The following GKAP1 variants were observed in gnomAD, a reference collection of about 807,000 sequenced individuals.
GKAP1 encodes the protein G kinase anchoring protein 1.
GKAP1 carries 31 observed loss-of-function variants against 56.7 expected under a neutral mutation model. That is an observed-to-expected ratio of 0.55 (90% confidence interval 0.41 to 0.74). The LOEUF is 0.74. GKAP1 is among the 30% of genes least tolerant of loss of function. The pLI, the probability that GKAP1 is intolerant of heterozygous loss-of-function variation, is 0.00. For synonymous variants in GKAP1, 151 were observed against 138.6 expected, an observed-to-expected ratio of 1.09 and a Z score of -0.63; for missense variants, 364 against 402.3, an observed-to-expected ratio of 0.90 and a Z score of 0.82.
chr9:83,752,895 ACT>A (rs1458110822), intron 9 of GKAP1, among the ~76,000 whole-genome samples: 2 of 152,004 alleles, frequency 1.3e-5, no homozygotes, highest in South Asian at 2.1e-4. Context: ...ACATGGTGAA[ACT>A]CTGTCTCTAC....
At chr9:83,807,093 C>T (rs1217326266) in intron 2 of GKAP1, among the ~76,000 whole-genome samples, 2 of 152,170 alleles carry the variant, frequency 1.3e-5, no homozygotes, top group African/African-American at 4.8e-5. Context: ...ATTCTCTCAA[C>T]CAAAGGAAAC....
intron 8 of GKAP1, among the ~76,000 whole-genome samples, chr9:83,753,704 T>C (rs1039373757): frequency 1.1e-4 from 16 of 152,090 alleles, no homozygotes; most frequent in Non-Finnish European, 7.4e-5. Context: ...AAATACAAAA[T>C]TAATAAAAAA....
Position 83,749,820 on chromosome 9 carries a change from A to G in GKAP1, c.841-1448T>C, listed in dbSNP as rs76783158. Among the ~76,000 whole-genome samples the G allele has an allele frequency of 3.5e-3, 538 of 152,330 alleles. 8 individuals carry two copies. Among genetic ancestry groups the G allele is most frequent in the African/African-American group, 0.013 (530 of 41,562 alleles). ...GAGTAATACTGCAGTGAATACAATA[A>G]ACTGAAGTAAAGCACCATACTGAAT... On this transcript the variant is annotated intron_variant, in intron 9 of 12. Coordinates refer to ENST00000376371, the MANE Select transcript of GKAP1 (RefSeq NM_025211.4).
At chr9:83,813,945 A>G (rs1944546502) in intron 2 of GKAP1, among the ~76,000 whole-genome samples, 1 of 152,136 alleles carries the variant, frequency 6.6e-6, no homozygotes, top group Non-Finnish European at 1.5e-5. Context: ...TACAAAATGT[A>G]CAACAGTTAG....
At chr9:83,804,711 GGGA>G (rs1221891007) in intron 3 of GKAP1, among the ~76,000 whole-genome samples, 1 of 149,090 alleles carries the variant, frequency 6.7e-6, no homozygotes, top group Admixed American at 6.6e-5. Context: ...CGCCCCGTAC[GGGA>G]GGGAGGTGGG....
chr9:83,788,653 T>C lies in GKAP1; in HGVS notation c.386A>G (p.Asp129Gly). The C allele has an allele frequency of 6.2e-7, 1 of 1,606,294 alleles. No individual in the cohort carries two copies. The highest frequency in any genetic ancestry group is 1.3e-5 in the African/African-American group (1 of 74,870). The change falls in exon 5 of 13, where the codon GAT (aspartate) becomes GGT (glycine). Residue 129 changes from aspartate (D) to glycine (G), a missense_variant. Asp to Gly is a moderately conservative substitution (Grantham distance 94). Coordinates refer to ENST00000376371, the MANE Select transcript of GKAP1 (RefSeq NM_025211.4). ...ACTTAGTAACAATGCCTTCTCAAGA[T>C]CTGCTTCAAACATTTCAGATGTCAG... Reference protein sequence around the residue: ...EQLTSEMFEADLEKALLLSKL... With the variant: ...EQLTSEMFEAGLEKALLLSKL...
intron 7 of GKAP1, among the ~76,000 whole-genome samples, chr9:83,778,642 G>A (rs958555659): frequency 2.0e-5 from 3 of 151,692 alleles, no homozygotes; most frequent in African/African-American, 7.3e-5. Context: ...ACAAACCACC[G>A]TGACCAAAAT....
At chr9:83,803,537 A>G (rs1419594508) in intron 3 of GKAP1, among the ~76,000 whole-genome samples, 1 of 152,180 alleles carries the variant, frequency 6.6e-6, no homozygotes, top group Admixed American at 6.5e-5. Context: ...TTGCAGACGG[A>G]GTGTGGTTCA....
chr9:83,803,247 C>G (rs540814686), intron 3 of GKAP1, among the ~76,000 whole-genome samples: 14 of 151,726 alleles, frequency 9.2e-5, no homozygotes, highest in Admixed American at 9.2e-4. Context: ...TCCCCTCTCC[C>G]CTCTCCCTCT....
At chr9:83,778,082 C>G (rs1943892645) in intron 7 of GKAP1, among the ~76,000 whole-genome samples, 1 of 152,086 alleles carries the variant, frequency 6.6e-6, no homozygotes, top group South Asian at 2.1e-4. Flanking sequence ...GAAAGAAATG[C>G]TTATCCACTG....
intron 4 of GKAP1, among the ~76,000 whole-genome samples, chr9:83,793,670 C>T (rs1161471943): frequency 6.6e-6 from 1 of 151,994 alleles, no homozygotes; most frequent in Non-Finnish European, 1.5e-5. Flanking sequence ...GTAAATAATG[C>T]AACTTATAAA....
At chr9:83,781,906 C>A (rs1193235312) in intron 6 of GKAP1, among the ~76,000 whole-genome samples, 1 of 147,022 alleles carries the variant, frequency 6.8e-6, no homozygotes, top group Admixed American at 7.0e-5. Context: ...TGCAGCGGTA[C>A]GATCTCGGCT....
At chr9:83,793,212 A>G (rs1004794944) in intron 4 of GKAP1, among the ~76,000 whole-genome samples, 3 of 152,220 alleles carry the variant, frequency 2.0e-5, no homozygotes, top group Non-Finnish European at 4.4e-5. Flanking sequence ...CCAAATGAAG[A>G]GTTAGTCTTC....
chr9:83,788,533 A>C (rs1587725488), intron 5 of GKAP1, 68 bp downstream of exon 5: 1 of 852,566 alleles, frequency 1.2e-6, no homozygotes, highest in African/African-American at 1.7e-5. Context: ...GTAAAATTCA[A>C]GTAGGTTGAT....
intron 11 of GKAP1, among the ~76,000 whole-genome samples, chr9:83,742,250 C>T (rs1943220613): frequency 8.1e-6 from 1 of 123,632 alleles, no homozygotes; most frequent in South Asian, 2.7e-4. Context: ...GGAGAAAAAT[C>T]AAGCCCAGAT....
At chr9:83,782,530 T>C (rs1035683427) in intron 6 of GKAP1, among the ~76,000 whole-genome samples, 1 of 151,364 alleles carries the variant, frequency 6.6e-6, no homozygotes, top group Non-Finnish European at 1.5e-5. Context: ...AGCTAATTTT[T>C]TGTATTTAGT....
chr9:83,775,874 C>CAAAA (rs55669011), intron 7 of GKAP1, among the ~76,000 whole-genome samples: 91 of 43,646 alleles, frequency 2.1e-3, no homozygotes, highest in Middle Eastern at 0.019. Context: ...GACTCTGTCT[C>CAAAA]AAAAAAAAAA....
At chr9:83,772,499 T>C (rs890280454) in intron 7 of GKAP1, among the ~76,000 whole-genome samples, 1 of 152,158 alleles carries the variant, frequency 6.6e-6, no homozygotes, top group Non-Finnish European at 1.5e-5. Context: ...GGCAAAGATT[T>C]ATTTAATGAA....
chr9:83,740,212 T>C (rs1943183510), intron 12 of GKAP1, among the ~76,000 whole-genome samples: 1 of 152,190 alleles, frequency 6.6e-6, no homozygotes, highest in South Asian at 2.1e-4. Flanking sequence ...ATTAGTGGAT[T>C]GAAAACTAGG....
Sources: allele counts gnomAD v4.1 joint callset (sites outside exome capture counted in the v4.1 genomes callset), GRCh38; gene constraint gnomAD v4.1.1; transcripts MANE v1.5; gene names NCBI Gene and HGNC (gene_info 2026-07-23, HGNC 2026-07-21).